RTTN: variants seen among roughly 807,000 people sequenced by gnomAD.
RTTN encodes the protein rotatin.
Under a neutral mutation model 269.2 loss-of-function variants are expected in RTTN, and 182 were observed. The observed-to-expected ratio is 0.68, with a 90% confidence interval of 0.60 to 0.76. RTTN has a LOEUF of 0.76. Ranked by LOEUF, RTTN falls within the 30% of genes least tolerant of loss-of-function variation. The pLI, the probability that RTTN is intolerant of heterozygous loss-of-function variation, is 0.00. For synonymous variants in RTTN, 1,006 were observed against 963.5 expected (o/e 1.04, Z -0.82); for missense variants, 2,545 against 2,608.6 (o/e 0.98, Z 0.53).
At chr18:70,144,748 G>C (rs1254061504) in intron 18 of RTTN, among the ~76,000 whole-genome samples, 1 of 151,612 alleles carries the variant, frequency 6.6e-6, no homozygotes, top group East Asian at 2.0e-4. Flanking sequence ...ATTCAGTTTA[G>C]AAGAACATAA....
chr18:70,127,526 A>C lies in RTTN; in HGVS notation c.3359T>G (p.Leu1120Trp), dbSNP rs779563541. The C allele has an allele frequency of 6.2e-6, 10 of 1,613,330 alleles. No homozygotes were observed. The South Asian group carries it at 8.8e-5, about 14-fold the overall frequency. ...CCTGTTTAGTGCGGTGTGCCAAGCC[A>C]AGGACTTCAAGGTAACCCCACATGG... is the stretch of plus-strand genomic sequence containing the variant. Reference protein sequence around the residue: ...PGPCGVTLKSLAWHTALNRFL... With the variant: ...PGPCGVTLKSWAWHTALNRFL... Residue 1120 changes from leucine to tryptophan, a missense_variant, in exon 25 of 49, where the codon TTG (leucine) becomes TGG (tryptophan). Transcript: ENST00000640769.
chr18:70,040,457 G>A (rs141058074), intron 40 of RTTN, among the ~76,000 whole-genome samples: 1,877 of 152,274 alleles, frequency 0.012, 23 homozygotes, highest in South Asian at 0.037. Context: ...CATCACTGGA[G>A]CACTGAGATA....
intron 32 of RTTN, among the ~76,000 whole-genome samples, chr18:70,082,159 TCA>T (rs959454728): frequency 3.3e-5 from 5 of 152,168 alleles, no homozygotes; most frequent in Non-Finnish European, 1.5e-5. Context: ...TTTATTTAAA[TCA>T]CAAACTGACA....
At chr18:70,110,784 G>A (rs1301922098) in intron 27 of RTTN, among the ~76,000 whole-genome samples, 3 of 152,198 alleles carry the variant, frequency 2.0e-5, no homozygotes, top group African/African-American at 4.8e-5. Flanking sequence ...CCACTCCCAC[G>A]GAGCCCAGCA....
At chr18:70,075,921 A>G (rs957964961) in intron 32 of RTTN, among the ~76,000 whole-genome samples, 6 of 152,112 alleles carry the variant, frequency 3.9e-5, no homozygotes, top group African/African-American at 1.4e-4. Flanking sequence ...ATATGAAATA[A>G]GGTGGTCCAT....
chr18:70,019,504 A>G (rs2056640396), intron 45 of RTTN: 1 of 152,254 alleles, frequency 6.6e-6, no homozygotes, highest in South Asian at 2.1e-4. Context: ...ATATATACAT[A>G]TATGACATAC....
At chr18:70,188,525 G>T (rs542524141) in intron 9 of RTTN, among the ~76,000 whole-genome samples, 1 of 152,250 alleles carries the variant, frequency 6.6e-6, no homozygotes, top group Non-Finnish European at 1.5e-5. Flanking sequence ...CGAATTTAGG[G>T]ACCATCCATT....
intron 43 of RTTN, among the ~76,000 whole-genome samples, chr18:70,025,422 T>C (rs1258269364): frequency 1.3e-5 from 2 of 152,216 alleles, no homozygotes; most frequent in African/African-American, 4.8e-5. Context: ...GCAGATAAAA[T>C]ATAGCTGTTT....
Position 70,088,054 on chromosome 18 carries a change from C to A in RTTN, c.4237G>T (p.Gly1413Trp). 1 of 1,613,956 alleles carries A rather than the reference C, an allele frequency of 6.2e-7. No homozygotes were observed. Among genetic ancestry groups the A allele is most frequent in the South Asian group, 1.1e-5 (1 of 91,076 alleles). The change falls in exon 31 of 49, where the codon GGG becomes TGG. Residue 1413 changes from glycine to tryptophan, a missense_variant. Physicochemically the swap from Gly to Trp is radical, Grantham distance 184 (BLOSUM62 -2). Coordinates refer to ENST00000640769, the MANE Select transcript of RTTN (RefSeq NM_173630.4). Reference protein sequence around the residue: ...LANSCQNISGGLWGTVVNILL... With the variant: ...LANSCQNISGWLWGTVVNILL... ...ATGTTCACCACAGTTCCCCAGAGCCCACCGGAAATGTTCTGACAACTGTTT... is the reference window on the plus strand; with the variant it reads ...ATGTTCACCACAGTTCCCCAGAGCCAACCGGAAATGTTCTGACAACTGTTT...
intron 40 of RTTN, among the ~76,000 whole-genome samples, chr18:70,038,784 C>G (rs923833834): frequency 1.3e-5 from 2 of 152,130 alleles, no homozygotes; most frequent in Admixed American, 6.5e-5. Context: ...AACTTTCAAA[C>G]AGAGAATTCA....
chr18:70,182,801 TATCAAA>T (rs988793854), intron 10 of RTTN, among the ~76,000 whole-genome samples: 5 of 152,194 alleles, frequency 3.3e-5, no homozygotes, highest in African/African-American at 1.2e-4. Flanking sequence ...AAATATTACT[TATCAAA>T]ACACTTCTTA....
intron 10 of RTTN, among the ~76,000 whole-genome samples, chr18:70,183,470 C>G (rs1295347443): frequency 6.6e-6 from 1 of 152,168 alleles, no homozygotes; most frequent in Non-Finnish European, 1.5e-5. Context: ...TTCAACCAGG[C>G]AGAGTAGACA....
At chr18:70,190,010 G>A (rs2061633966) in intron 9 of RTTN, among the ~76,000 whole-genome samples, 2 of 152,306 alleles carry the variant, frequency 1.3e-5, no homozygotes, top group South Asian at 4.1e-4. Flanking sequence ...TAAGAATCCA[G>A]TTTTGGAGTT....
chr18:70,140,511 T>C (rs1438263281), intron 19 of RTTN, among the ~76,000 whole-genome samples: 1 of 152,122 alleles, frequency 6.6e-6, no homozygotes, highest in African/African-American at 2.4e-5. Context: ...TACATGCAAA[T>C]TATCTTCTTT....
chr18:70,111,821 TCAAGAATG>T (rs1278119057), intron 27 of RTTN, among the ~76,000 whole-genome samples: 1 of 152,106 alleles, frequency 6.6e-6, no homozygotes, highest in Non-Finnish European at 1.5e-5. Context: ...AAGATACTCC[TCAAGAATG>T]CATAATCATC....
At chr18:70,134,590 A>C (rs772868729) in intron 22 of RTTN, 49 bp from the exon 23 acceptor site, 1 of 1,340,814 alleles carries the variant, frequency 7.5e-7, no homozygotes, top group African/African-American at 1.5e-5. Flanking sequence ...GAGTAGACCA[A>C]GTTTTGTCTA....
At chr18:70,076,652 A>G (rs1171745199) in intron 32 of RTTN, among the ~76,000 whole-genome samples, 1 of 152,050 alleles carries the variant, frequency 6.6e-6, no homozygotes, top group Non-Finnish European at 1.5e-5. Context: ...AAATCTACCA[A>G]CACTGTGAGC....
rs749379861 is a variant in RTTN at position 70,196,523 on chromosome 18, T to C, written c.819A>G (p.Pro273=). ...TACCGTGTTTATTGGAGAAAAAACC[T>C]GGATCTCGGTGAAAGTTAAGTCTGT... ...LRNRLNFHRD[P]GFFSNKHDTV... is the part of the protein sequence containing the mutation. Residue 273 remains proline (P), a synonymous_variant, in exon 7 of 49, where the codon CCA becomes CCG. Coordinates refer to ENST00000640769, the MANE Select transcript of RTTN (RefSeq NM_173630.4). 6.2e-7 allele frequency: 1 copy of C among 1,611,096 alleles called. No homozygotes were observed.
intron 34 of RTTN, among the ~76,000 whole-genome samples, chr18:70,070,654 A>C (rs2058270281): frequency 6.6e-6 from 1 of 152,272 alleles, no homozygotes; most frequent in Non-Finnish European, 1.5e-5. Flanking sequence ...TACCTCTTCA[A>C]ATCCAAAAGC....
Sources: allele counts gnomAD v4.1 joint callset (sites outside exome capture counted in the v4.1 genomes callset), GRCh38; gene constraint gnomAD v4.1.1; transcripts MANE v1.5; gene names NCBI Gene and HGNC (gene_info 2026-07-23, HGNC 2026-07-21).